Variants in HEPH observed in about 807,000 individuals in gnomAD.
HEPH encodes hephaestin.
In HEPH, 69 loss-of-function variants were observed where a neutral mutation model predicts 80.8. That is an observed-to-expected ratio of 0.85 (90% CI 0.70 to 1.04). The LOEUF is 1.04. Ranked by LOEUF, HEPH falls within the 50% of genes least tolerant of loss-of-function variation. The probability of loss-of-function intolerance (pLI) is 0.00; values close to 1 mark genes in which losing one functional copy is unlikely to be tolerated. For missense variants in HEPH, 1,115 were observed against 891.3 expected (o/e 1.25, Z -3.20); for synonymous variants, 431 against 322.8 (o/e 1.34, Z -3.60).
chrX:66,259,248 G>A (rs1265239067), intron 18 of HEPH, among the ~76,000 whole-genome samples: 1 of 111,880 alleles, frequency 8.9e-6, no homozygotes, highest in African/African-American at 3.2e-5. Context: ...TCAAGTCTCA[G>A]TCAAGGACTT....
chrX:66,237,825 A>G (rs2090422327), intron 15 of HEPH, among the ~76,000 whole-genome samples: 2 of 112,221 alleles, frequency 1.8e-5, no homozygotes, highest in Non-Finnish European at 3.8e-5. Context: ...ATGCATATAT[A>G]TTTGGGATAG....
chrX:66,251,361 T>C (rs1208456560), intron 15 of HEPH, among the ~76,000 whole-genome samples: 2 of 112,408 alleles, frequency 1.8e-5, no homozygotes, highest in Non-Finnish European at 3.8e-5. Context: ...CTTGCCAGCA[T>C]TTGGTGTTAT....
chrX:66,208,655 T>C (rs867393056), intron 15 of HEPH, among the ~76,000 whole-genome samples: 3 of 73,004 alleles, frequency 4.1e-5, no homozygotes, highest in Admixed American at 1.5e-4. Context: ...TATATATATA[T>C]ATATATATAT....
At chrX:66,211,447 T>C (rs1333656659) in intron 15 of HEPH, among the ~76,000 whole-genome samples, 1 of 111,379 alleles carries the variant, frequency 9.0e-6, no homozygotes, top group African/African-American at 3.3e-5. Flanking sequence ...TTACTGCATA[T>C]TTGTACCCTT....
intron 17 of HEPH, among the ~76,000 whole-genome samples, chrX:66,257,900 A>G (rs2091233141): frequency 1.8e-5 from 2 of 112,059 alleles, no homozygotes; most frequent in Non-Finnish European, 3.8e-5. Flanking sequence ...GGAAGTGTGA[A>G]TTATTGTAAC....
chrX:66,243,645 G>A (rs1015521155), intron 15 of HEPH, among the ~76,000 whole-genome samples: 1 of 112,866 alleles, frequency 8.9e-6, no homozygotes, highest in East Asian at 2.8e-4. Context: ...CCTTTGAATT[G>A]GGGCATTTAA....
chrX:66,266,715 G>A lies in HEPH; in HGVS notation c.*43G>A, dbSNP rs764368689. The A allele has an allele frequency of 2.6e-5, 25 of 960,009 alleles. No individual in the cohort carries two copies. Among genetic ancestry groups the A allele is most frequent in the Non-Finnish European group, 3.2e-5 (22 of 678,966 alleles). 79.1% of individuals were successfully genotyped at this position (960,009 alleles called of 1,213,427 possible). On this transcript the variant is annotated 3_prime_UTR_variant, in exon 21 of 21. Transcript: ENST00000343002. ...TATCCTCAGGAAGCACATCTGTAGT[G>A]CACTCCCAGCAGGCCATGGACTAGT...
chrX:66,265,138 C>T (rs2091496771), intron 20 of HEPH, among the ~76,000 whole-genome samples: 1 of 110,706 alleles, frequency 9.0e-6, no homozygotes, highest in South Asian at 3.8e-4. Flanking sequence ...TCTATTTGAA[C>T]TCATTATATT....
chrX:66,235,768 A>C (rs2090335220), intron 15 of HEPH, among the ~76,000 whole-genome samples: 1 of 112,148 alleles, frequency 8.9e-6, no homozygotes, highest in African/African-American at 3.2e-5. Flanking sequence ...ATAGCATTGA[A>C]TCTATACATT....
intron 4 of HEPH, among the ~76,000 whole-genome samples, chrX:66,176,293 C>T (rs746663933): frequency 5.4e-4 from 60 of 111,630 alleles, no homozygotes; most frequent in Non-Finnish European, 9.4e-4. Flanking sequence ...TTTAAAAATT[C>T]TGTTCATGTG....
chrX:66,213,751 C>T (rs999269067), intron 15 of HEPH, among the ~76,000 whole-genome samples: 3 of 111,243 alleles, frequency 2.7e-5, no homozygotes, highest in Admixed American at 9.5e-5. Context: ...GATGAAGTTA[C>T]AATAATTAAA....
At chrX:66,236,393 T>A (rs757489104) in intron 15 of HEPH, among the ~76,000 whole-genome samples, 1 of 112,222 alleles carries the variant, frequency 8.9e-6, no homozygotes, top group African/African-American at 3.2e-5. Flanking sequence ...TGTCTTTAGT[T>A]CTGCTTATGA....
At chrX:66,217,696 A>T (rs923290317) in intron 15 of HEPH, among the ~76,000 whole-genome samples, 16 of 111,864 alleles carry the variant, frequency 1.4e-4, no homozygotes, top group Non-Finnish European at 2.3e-4. Flanking sequence ...CACTACTAAC[A>T]TTTAATGTAA....
At chrX:66,242,993 C>T (rs756771637) in intron 15 of HEPH, among the ~76,000 whole-genome samples, 44 of 111,498 alleles carry the variant, frequency 3.9e-4, no homozygotes, top group Admixed American at 3.6e-3. Context: ...ACTGTTTGAC[C>T]CAGCAGTCTC....
rs377567880 is a variant in HEPH at position 66,173,684 on chromosome X, G to A, written c.508G>A (p.Gly170Ser). 8.3e-7 allele frequency: 1 copy of A among 1,210,465 alleles called. No individual in the cohort carries two copies. Among genetic ancestry groups the A allele is most frequent in the Non-Finnish European group, 1.1e-6 (1 of 894,638 alleles). Reference protein sequence around the residue: ...SHIYNWTIPEGHAPTDADPAC... With the variant: ...SHIYNWTIPESHAPTDADPAC... ...TATCTACAACTGGACCATTCCAGAA[G>A]GCCATGCACCCACCGATGCTGACCC... The change falls in exon 4 of 21, where the codon GGC becomes AGC. Residue 170 changes from glycine to serine, a missense_variant. Around this residue, in one of 3 missense-constraint regions of HEPH, gnomAD observed 391 missense variants for 343.6 expected, o/e 1.14. Coordinates refer to ENST00000343002, the MANE Select transcript of HEPH (RefSeq NM_001367233.3).
intron 15 of HEPH, among the ~76,000 whole-genome samples, chrX:66,209,048 C>G (rs900455498): frequency 9.0e-6 from 1 of 111,218 alleles, no homozygotes; most frequent in Non-Finnish European, 1.9e-5. Flanking sequence ...TACTGGAGGC[C>G]TACTGGGTGA....
At chrX:66,178,133 C>A (rs1426185972) in intron 4 of HEPH, among the ~76,000 whole-genome samples, 2 of 111,076 alleles carry the variant, frequency 1.8e-5, no homozygotes, top group Non-Finnish European at 3.8e-5. Flanking sequence ...TGTGATGTTC[C>A]CTTTCCTGTG....
Position 66,254,789 on chromosome X carries a change from A to G in HEPH, c.2564-246A>G, listed in dbSNP as rs767133772. Among the ~76,000 whole-genome samples, 20 of 105,523 alleles carry G rather than the reference A, an allele frequency of 1.9e-4. No homozygotes were observed. The South Asian group carries it at 4.2e-3, about 22-fold the overall frequency. The allele number at this position is 105,523 out of a possible 115,157, so 91.6% of individuals were successfully genotyped here. ...AGATGATATTAAAAGCAGAGAAAAA[A>G]AAGTAGCAAGGCTGCCTTACTAGAG... On this transcript the variant is annotated intron_variant, in intron 15 of 20. Coordinates refer to ENST00000343002, the MANE Select transcript of HEPH (RefSeq NM_001367233.3).
rs142969433 is a variant in HEPH at position 66,171,674 on chromosome X, G to A, written c.168-681G>A. Among the ~76,000 whole-genome samples the A allele has an allele frequency of 4.6e-3, 512 of 111,774 alleles. 5 individuals are homozygous for A. Among genetic ancestry groups the A allele is most frequent in the African/African-American group, 0.016 (481 of 30,800 alleles). On this transcript the variant is annotated intron_variant, in intron 2 of 20. Coordinates refer to ENST00000343002, the MANE Select transcript of HEPH (RefSeq NM_001367233.3). ...ATATTCATCTAGTTTCAGAGTCAGA[G>A]TCCTTGTATTAATTTTTTTGAGGGA... is the stretch of plus-strand genomic sequence containing the variant.
Sources: allele counts gnomAD v4.1 joint callset (sites outside exome capture counted in the v4.1 genomes callset), GRCh38; gene constraint gnomAD v4.1.1; regional missense constraint gnomAD v4.1.1; transcripts MANE v1.5; gene names NCBI Gene and HGNC (gene_info 2026-07-23, HGNC 2026-07-21).